The following BIRC2 variants were observed in gnomAD, a reference collection of about 807,000 sequenced individuals.
BIRC2 encodes baculoviral IAP repeat containing 2.
Under a neutral mutation model 60.9 loss-of-function variants are expected in BIRC2, and 18 were observed. The observed-to-expected ratio is 0.30, with a 90% CI of 0.20 to 0.44. The LOEUF (loss-of-function observed/expected upper bound fraction) is 0.44. BIRC2 is among the 20% of genes least tolerant of loss of function. The pLI, the probability that BIRC2 is intolerant of heterozygous loss-of-function variation, is 1.00. For synonymous variants in BIRC2, 282 were observed against 247.7 expected (o/e 1.14, Z -1.30); for missense variants, 701 against 728.5 (o/e 0.96, Z 0.43).
chr11:102,357,236 G>A (rs1190904394), intron 3 of BIRC2, among the ~76,000 whole-genome samples: 1 of 151,852 alleles, frequency 6.6e-6, no homozygotes, highest in Non-Finnish European at 1.5e-5. Context: ...AATGAGTTTG[G>A]AAGTATTCCC....
chr11:102,364,211 AG>A (rs1174300865), intron 5 of BIRC2, among the ~76,000 whole-genome samples: 104 of 142,212 alleles, frequency 7.3e-4, no homozygotes, highest in African/African-American at 2.5e-3. Context: ...AGAGAGAGAG[AG>A]AGAGTGTAAT....
Position 102,377,581 on chromosome 11 carries a change from G to A in BIRC2, c.1452G>A (p.Lys484=), listed in dbSNP as rs1404360119. The A allele has an allele frequency of 2.5e-6, 4 of 1,611,232 alleles. No homozygotes were observed. The highest frequency in any genetic ancestry group is 1.3e-5 in the African/African-American group (1 of 74,718). ...TTCCTATCCTGGATAATCTTTTAAAGGCCAATGTAATTAATAAACAGGAAC... is the reference window on the plus strand; with the variant it reads ...TTCCTATCCTGGATAATCTTTTAAAAGCCAATGTAATTAATAAACAGGAAC... ...CVLPILDNLL[K]ANVINKQEHD... is the part of the protein sequence containing the mutation. Residue 484 remains lysine, a synonymous_variant, in exon 7 of 9, where the codon AAG becomes AAA. Transcript: ENST00000227758.
chr11:102,360,243 G>C (rs934881300), intron 3 of BIRC2, among the ~76,000 whole-genome samples: 6 of 152,132 alleles, frequency 3.9e-5, no homozygotes, highest in African/African-American at 1.4e-4. Flanking sequence ...CTGGATTACA[G>C]GTGTGAGCCA....
chr11:102,356,361 C>T (rs1170684157), intron 3 of BIRC2, among the ~76,000 whole-genome samples: 3 of 151,240 alleles, frequency 2.0e-5, no homozygotes, highest in East Asian at 2.0e-4. Flanking sequence ...GCACCCAGCT[C>T]ATTTTTGTAA....
rs755199997 is a variant in BIRC2 at position 102,377,644 on chromosome 11, A to G, written c.1515A>G (p.Gln505=). 1.2e-6 allele frequency: 2 copies of G among 1,611,362 alleles called. No individual in the cohort carries two copies. Among genetic ancestry groups the G allele is most frequent in the East Asian group, 2.2e-5 (1 of 44,848 alleles). ...IIKQKTQIPL[Q]ARELIDTILV... The stretch of plus-strand genomic sequence containing the variant: ...AACAAAAAACACAGATACCTTTACA[A>G]GCGAGAGAACTGATTGATACCATTT... The change falls in exon 7 of 9, where the codon CAA becomes CAG. Residue 505 remains glutamine, a synonymous_variant. Transcript: ENST00000227758.
At chr11:102,377,202 G>A (rs1398900736) in intron 6 of BIRC2, among the ~76,000 whole-genome samples, 18 of 152,114 alleles carry the variant, frequency 1.2e-4, no homozygotes, top group Non-Finnish European at 7.4e-5. Flanking sequence ...AAATACAAGA[G>A]TATTATTATA....
At position 102,378,387 on chromosome 11, in the gene BIRC2, T is replaced by A. The variant is rs1343020756; in HGVS notation, c.*204T>A. 2.2e-6 allele frequency: 1 copy of A among 464,638 alleles called. No individual in the cohort carries two copies. Among genetic ancestry groups the A allele is most frequent in the Admixed American group, 3.9e-5 (1 of 25,606 alleles). The allele number at this position is 464,638 out of a possible 1,614,324, so 28.8% of individuals were successfully genotyped here. ...AATCTGTTTATTTACAAGGGAAGATTTATGTTTGGTGAACTATATTAGTAT... is the reference window on the plus strand; with the variant it reads ...AATCTGTTTATTTACAAGGGAAGATATATGTTTGGTGAACTATATTAGTAT... On this transcript the variant is annotated 3_prime_UTR_variant, in exon 9 of 9. Coordinates refer to ENST00000227758, the MANE Select transcript of BIRC2 (RefSeq NM_001166.5).
At chr11:102,377,375 T>G in intron 6 of BIRC2, 121 bp from the exon 7 acceptor site, 1 of 853,376 alleles carries the variant, frequency 1.2e-6, no homozygotes, top group Non-Finnish European at 1.7e-6. Flanking sequence ...CAAGTTACTT[T>G]GTTCTTTTTT....
At position 102,350,502 on chromosome 11, in the gene BIRC2, T is replaced by C. The variant is rs770053689; in HGVS notation, c.648T>C (p.Asp216=). Residue 216 remains aspartate (D), a synonymous_variant, in exon 2 of 9, where the codon GAT becomes GAC. Coordinates refer to ENST00000227758, the MANE Select transcript of BIRC2 (RefSeq NM_001166.5). ...RAGFYYIGPG[D]RVACFACGGK... is the part of the protein sequence containing the mutation. The stretch of plus-strand genomic sequence containing the variant: ...GTTTTTATTATATAGGACCTGGAGA[T>C]AGGGTAGCCTGCTTTGCCTGTGGTG... 1.2e-5 allele frequency: 19 copies of C among 1,614,104 alleles called. No homozygotes were observed. In the Admixed American group the frequency reaches 2.3e-4, roughly 20 times the overall value.
intron 6 of BIRC2, among the ~76,000 whole-genome samples, chr11:102,374,605 T>A (rs1328671743): frequency 6.6e-6 from 1 of 151,392 alleles, no homozygotes; most frequent in Non-Finnish European, 1.5e-5. Context: ...TCTGCAGAGG[T>A]TACTGCTGTC....
At chr11:102,353,679 C>T (rs74609937) in intron 3 of BIRC2, among the ~76,000 whole-genome samples, 81 of 86,088 alleles carry the variant, frequency 9.4e-4, no homozygotes, top group Admixed American at 1.6e-3. Flanking sequence ...TAGTAACTTT[C>T]TTTTTTTTTT....
In BIRC2 at chr11:102,363,723, A is replaced by G. The variant is rs1480059657; in HGVS notation, c.1123+7A>G. The G allele has an allele frequency of 3.7e-6, 6 of 1,605,848 alleles. No homozygotes were observed. Among genetic ancestry groups the G allele is most frequent in the Admixed American group, 1.7e-5 (1 of 59,780 alleles). ...GAAAATGCTGACCCACCAAGTATGTATGAGATAATTTTAAGTATAGAGTGT... is the reference window on the plus strand; with the variant it reads ...GAAAATGCTGACCCACCAAGTATGTGTGAGATAATTTTAAGTATAGAGTGT... On this transcript the variant is annotated splice_region_variant and intron_variant, in intron 5 of 8. Transcript: ENST00000227758.
At position 102,357,645 on chromosome 11, in the gene BIRC2, T is replaced by C. The variant is rs572135572; in HGVS notation, c.996-5251T>C. 7.2e-5 allele frequency among the ~76,000 whole-genome samples: 11 copies of C among 152,278 alleles called. No individual in the cohort carries two copies. In the South Asian group the frequency reaches 2.1e-3, roughly 29 times the overall value. ...CTGTGTTATCAATGGTAACATCTCT[T>C]GGTTTTGATTTTATTTATTTTCGTC... On this transcript the variant is annotated intron_variant, in intron 3 of 8. Transcript: ENST00000227758.
At chr11:102,369,920 G>C (rs1451838894) in intron 6 of BIRC2, among the ~76,000 whole-genome samples, 3 of 150,138 alleles carry the variant, frequency 2.0e-5, no homozygotes, top group African/African-American at 7.3e-5. Context: ...GGCCAGTGAT[G>C]ATGAGCATTT....
intron 3 of BIRC2, among the ~76,000 whole-genome samples, chr11:102,351,818 T>G (rs1951365957): frequency 6.6e-6 from 1 of 152,104 alleles, no homozygotes; most frequent in Admixed American, 6.5e-5. Flanking sequence ...ATTGTCTTTG[T>G]AATTGAGTAG....
chr11:102,376,460 A>G (rs564860678), intron 6 of BIRC2, among the ~76,000 whole-genome samples: 2 of 152,372 alleles, frequency 1.3e-5, no homozygotes, highest in African/African-American at 4.8e-5. Flanking sequence ...AGAGAGATGT[A>G]AAAGGGGAAA....
rs751745792 is a variant in BIRC2 at position 102,368,494 on chromosome 11, G to A, written c.1312G>A (p.Glu438Lys). 1 of 1,613,450 alleles carries A rather than the reference G, an allele frequency of 6.2e-7. No individual in the cohort carries two copies. ...NDIVSALLNA[E>K]DEKREEEKEK... is the part of the protein sequence containing the mutation. ...TATTGTGTCAGCACTTCTTAATGCTGAAGATGAAAAAAGAGAAGAGGAGAA... is the reference window on the plus strand; with the variant it reads ...TATTGTGTCAGCACTTCTTAATGCTAAAGATGAAAAAAGAGAAGAGGAGAA... Residue 438 changes from glutamate to lysine, a missense_variant, in exon 6 of 9, where the codon GAA becomes AAA. Physicochemically the swap from Glu to Lys is moderately conservative, Grantham distance 56. Around this residue, in one of 4 missense-constraint regions of BIRC2, gnomAD observed 235 missense variants for 208.9 expected, o/e 1.12. Transcript: ENST00000227758.
At chr11:102,364,160 TATATATATATATATACAC>T (rs1451544052) in intron 5 of BIRC2, among the ~76,000 whole-genome samples, 3 of 73,078 alleles carry the variant, frequency 4.1e-5, no homozygotes, top group Non-Finnish European at 8.2e-5. Context: ...TATATATATA[TATATATATATATATACAC>T]ACACACACAG....
At chr11:102,352,374 A>G (rs930337170) in intron 3 of BIRC2, among the ~76,000 whole-genome samples, 1 of 151,378 alleles carries the variant, frequency 6.6e-6, no homozygotes, top group Non-Finnish European at 1.5e-5. Flanking sequence ...TCAGCCTCCC[A>G]AAGTGCTGGG....
Sources: allele counts gnomAD v4.1 joint callset (sites outside exome capture counted in the v4.1 genomes callset), GRCh38; gene constraint gnomAD v4.1.1; regional missense constraint gnomAD v4.1.1; transcripts MANE v1.5; gene names NCBI Gene and HGNC (gene_info 2026-07-23, HGNC 2026-07-21).